The following CELF2 variants were observed in gnomAD, a reference collection of about 807,000 sequenced individuals.
The protein encoded by CELF2 is CUGBP Elav-like family member 2, also known as CUG triplet repeat RNA-binding protein 2.
In CELF2, 8 loss-of-function variants were observed where a neutral mutation model predicts 62.6. The observed-to-expected ratio is 0.13, with a 90% CI of 0.07 to 0.23. CELF2 has a LOEUF of 0.23. Among genes scored for constraint, CELF2 ranks in the 10% least tolerant of loss-of-function variants. CELF2 has a pLI of 1.00. For synonymous variants in CELF2, 258 were observed against 250.0 expected, an observed-to-expected ratio of 1.03 and a Z score of -0.30; for missense variants, 333 against 671.0, an observed-to-expected ratio of 0.50 and a Z score of 5.56.
intron 1 of CELF2, among the ~76,000 whole-genome samples, chr10:10,827,938 C>T (rs754829456): frequency 1.6e-5 from 2 of 128,904 alleles, no homozygotes; most frequent in Non-Finnish European, 3.2e-5. Flanking sequence ...CAATCAAAAC[C>T]ATAAATGAAT....
intron 1 of CELF2, among the ~76,000 whole-genome samples, chr10:11,085,328 A>G (rs1564669419): frequency 6.6e-6 from 1 of 152,172 alleles, no homozygotes; most frequent in Non-Finnish European, 1.5e-5. Flanking sequence ...CAGACCTTTT[A>G]ACTCCTAATT....
At chr10:11,274,919 T>A (rs1590343290) in intron 7 of CELF2, 138 bp from the exon 8 acceptor site, 1 of 745,272 alleles carries the variant, frequency 1.3e-6, no homozygotes. Context: ...CAGCCCCAGC[T>A]CTGGGGACCT....
intron 2 of CELF2, among the ~76,000 whole-genome samples, chr10:11,174,239 C>A (rs1040267958): frequency 3.3e-5 from 5 of 151,838 alleles, no homozygotes; most frequent in Admixed American, 3.3e-4. Flanking sequence ...TTTGTCAAAG[C>A]CTGAATCACA....
rs953286259 is a variant in CELF2 at position 10,972,927 on chromosome 10, G to A, written c.89+52928G>A. 1.3e-5 allele frequency among the ~76,000 whole-genome samples: 2 copies of A among 152,118 alleles called. No homozygotes were observed. The highest frequency in any genetic ancestry group is 1.9e-4 in the East Asian group (1 of 5,184). ...ACAACAGGATGATCACATGATAGATGGAAAGATGTGAAGGGAGGGTCGAGA... is the reference window on the plus strand; with the variant it reads ...ACAACAGGATGATCACATGATAGATAGAAAGATGTGAAGGGAGGGTCGAGA... On this transcript the variant is annotated intron_variant, in intron 2 of 13. Transcript: ENST00000636488. This position sits in a 1 kb window ranked among gnomAD's most constrained non-coding sequence, Gnocchi z 4.4.
the CELF2 span, among the ~76,000 whole-genome samples, chr10:10,632,317 A>G: frequency 1.0e-3 from 153 of 152,256 alleles, 1 homozygote; most frequent in African/African-American, 3.5e-3. Flanking sequence ...CTCATACATA[A>G]TCACTTGAGT....
At chr10:10,489,910 G>A in the CELF2 span, among the ~76,000 whole-genome samples, 1 of 152,114 alleles carries the variant, frequency 6.6e-6, no homozygotes, top group East Asian at 1.9e-4. Flanking sequence ...TTTGGGGGGA[G>A]GGTGGGTGGA....
At chr10:11,033,917 T>C (rs2060546913) in intron 1 of CELF2, among the ~76,000 whole-genome samples, 1 of 152,222 alleles carries the variant, frequency 6.6e-6, no homozygotes, top group South Asian at 2.1e-4. Context: ...TGTTGTCACT[T>C]GGAAACAACC....
intron 1 of CELF2, among the ~76,000 whole-genome samples, chr10:11,059,462 A>G (rs2066179462): frequency 6.6e-6 from 1 of 152,176 alleles, no homozygotes; most frequent in Non-Finnish European, 1.5e-5. Context: ...TTTTCTCACC[A>G]TGAGGAAAGT....
At chr10:10,753,543 C>G in the CELF2 span, among the ~76,000 whole-genome samples, 1 of 152,174 alleles carries the variant, frequency 6.6e-6, no homozygotes, top group African/African-American at 2.4e-5. Context: ...AGCCCACTCC[C>G]AGACCAGAAA....
At chr10:10,758,119 G>A in the CELF2 span, among the ~76,000 whole-genome samples, 36 of 152,212 alleles carry the variant, frequency 2.4e-4, no homozygotes, top group African/African-American at 7.2e-4. Context: ...TAATATCTCT[G>A]TGTTGAGAGA....
At chr10:10,739,555 A>G in the CELF2 span, among the ~76,000 whole-genome samples, 1 of 152,324 alleles carries the variant, frequency 6.6e-6, no homozygotes, top group East Asian at 1.9e-4. Flanking sequence ...AATCATAGTG[A>G]AAGGATCAAA....
At chr10:10,899,546 GT>G (rs76766774) in intron 1 of CELF2, among the ~76,000 whole-genome samples, 5 of 152,220 alleles carry the variant, frequency 3.3e-5, no homozygotes, top group Admixed American at 6.5e-5. Context: ...CTATGTCATG[GT>G]TTTTTTCCCC....
intron 1 of CELF2, among the ~76,000 whole-genome samples, chr10:11,118,824 A>C (rs893885735): frequency 5.9e-5 from 9 of 152,256 alleles, no homozygotes; most frequent in African/African-American, 1.9e-4. Flanking sequence ...TCATTTGAGC[A>C]GGAGACAAGG....
chr10:11,282,606 C>T lies in CELF2; in HGVS notation c.842-5812C>T, dbSNP rs1365515639. Among the ~76,000 whole-genome samples the T allele has an allele frequency of 2.6e-5, 4 of 152,234 alleles. No homozygotes were observed. The East Asian group carries it at 5.8e-4, about 22-fold the overall frequency. ...AGCTTCTTTTTTGAGCTTAACTCTG[C>T]ACTAGGCATTGTTTGAGCTTTCTAT... On this transcript the variant is annotated intron_variant, in intron 8 of 12. Transcript: ENST00000633077.
At chr10:11,112,365 C>T (rs542409499) in intron 1 of CELF2, among the ~76,000 whole-genome samples, 16 of 152,292 alleles carry the variant, frequency 1.1e-4, no homozygotes, top group East Asian at 3.9e-4. Context: ...TTATGCAGTA[C>T]GGGAAAGGGA....
At chr10:10,992,851 AT>A (rs1457903451) in intron 2 of CELF2, among the ~76,000 whole-genome samples, 1 of 152,224 alleles carries the variant, frequency 6.6e-6, no homozygotes, top group East Asian at 1.9e-4. Context: ...TTTTCTCTAC[AT>A]CTGGTGCTGG....
chr10:11,139,641 T>A (rs1209436671), intron 1 of CELF2, among the ~76,000 whole-genome samples: 2 of 152,200 alleles, frequency 1.3e-5, no homozygotes, highest in Non-Finnish European at 2.9e-5. Flanking sequence ...GTTATTTGAG[T>A]GCAATTAATG....
chr10:10,728,926 T>C, the CELF2 span, among the ~76,000 whole-genome samples: 1 of 152,214 alleles, frequency 6.6e-6, no homozygotes, highest in Non-Finnish European at 1.5e-5. Flanking sequence ...CAAGGTCTAC[T>C]GCTAAACTGA....
At chr10:10,680,152 T>G in the CELF2 span, among the ~76,000 whole-genome samples, 1 of 149,834 alleles carries the variant, frequency 6.7e-6, no homozygotes, top group African/African-American at 2.4e-5. Context: ...TACGTATGTA[T>G]GTATGTATGT....
Sources: gnomAD v4.1 joint callset for allele counts (sites outside exome capture counted in the v4.1 genomes callset) on GRCh38, gnomAD v4.1.1 for gene constraint, Gnocchi (gnomAD v3.1) non-coding constraint, MANE v1.5 for transcripts, NCBI Gene and HGNC (gene_info 2026-07-23, HGNC 2026-07-21) for gene names.